MSRA: variants seen among roughly 807,000 people sequenced by gnomAD.
The protein encoded by MSRA is mitochondrial peptide methionine sulfoxide reductase.
In MSRA, 54 loss-of-function variants were observed where a neutral mutation model predicts 31.3. That is an observed-to-expected ratio of 1.73 (90% CI 1.39 to 2.17). MSRA has a LOEUF of 2.17. Among genes scored for constraint, MSRA ranks in the 30% most tolerant of loss-of-function variants. MSRA has a pLI of 0.00. For missense variants in MSRA, 507 were observed against 300.9 expected (o/e 1.69, Z -5.07); for synonymous variants, 169 against 116.5 (o/e 1.45, Z -2.90).
chr8:10,266,841 A>G (rs1216615604), intron 3 of MSRA, among the ~76,000 whole-genome samples: 1 of 152,178 alleles, frequency 6.6e-6, no homozygotes, highest in Non-Finnish European at 1.5e-5. Context: ...TGGTGACAGA[A>G]GTCTTCTACC....
intron 5 of MSRA, among the ~76,000 whole-genome samples, chr8:10,422,719 C>T (rs149499891): frequency 2.5e-4 from 38 of 152,310 alleles, no homozygotes; most frequent in African/African-American, 8.7e-4. Flanking sequence ...GTGAGACTGG[C>T]TGTCAGTACA....
intron 1 of MSRA, among the ~76,000 whole-genome samples, chr8:10,096,869 T>C (rs1408759732): frequency 1.3e-5 from 2 of 152,222 alleles, no homozygotes; most frequent in Non-Finnish European, 2.9e-5. Flanking sequence ...ACAGTTTGAC[T>C]TGTAGGATTA....
chr8:10,137,872 GTT>G (rs1222887825), intron 1 of MSRA, among the ~76,000 whole-genome samples: 8 of 152,292 alleles, frequency 5.3e-5, no homozygotes, highest in African/African-American at 1.9e-4. Context: ...GTAGAGGCAT[GTT>G]TTTATACATT....
intron 1 of MSRA, among the ~76,000 whole-genome samples, chr8:10,071,355 T>G (rs893193544): frequency 6.6e-6 from 1 of 152,220 alleles, no homozygotes; most frequent in Non-Finnish European, 1.5e-5. Flanking sequence ...AATTATTGCT[T>G]TACTCTTCAG....
intron 5 of MSRA, among the ~76,000 whole-genome samples, chr8:10,413,007 A>G (rs11787374): frequency 0.086 from 13,140 of 152,316 alleles, 770 homozygotes; most frequent in Non-Finnish European, 0.14. Flanking sequence ...AGACGACACA[A>G]AAACCCATTC....
intron 5 of MSRA, among the ~76,000 whole-genome samples, chr8:10,397,200 T>G (rs1585678580): frequency 6.6e-6 from 1 of 152,184 alleles, no homozygotes. Context: ...CTGTTTTATT[T>G]GTGTGAGCCA....
At chr8:10,330,977 G>A (rs887134358) in intron 5 of MSRA, among the ~76,000 whole-genome samples, 2 of 152,182 alleles carry the variant, frequency 1.3e-5, no homozygotes, top group Admixed American at 6.5e-5. Context: ...TGGAGCTCCC[G>A]TGATGGGACT....
intron 1 of MSRA, among the ~76,000 whole-genome samples, chr8:10,104,744 T>A (rs532044139): frequency 6.6e-6 from 1 of 152,304 alleles, no homozygotes; most frequent in African/African-American, 2.4e-5. Context: ...GGGAGACGGA[T>A]ATAATGAGGC....
At chr8:10,329,815 TC>T (rs1308377727) in intron 5 of MSRA, among the ~76,000 whole-genome samples, 1 of 151,366 alleles carries the variant, frequency 6.6e-6, no homozygotes, top group Non-Finnish European at 1.5e-5. Context: ...TGATTTCCTC[TC>T]TCGGGGGTCT....
In MSRA at chr8:10,389,740, CTTTTTTTTTT is replaced by C. The variant is rs35603997; in HGVS notation, c.544-38399_544-38390del. Among the ~76,000 whole-genome samples the C allele has an allele frequency of 1.1e-4, 12 of 109,272 alleles. No homozygotes were observed. In the East Asian group the frequency reaches 2.2e-3, roughly 20 times the overall value. The allele number at this position is 109,272 out of a possible 152,430, so 71.7% of individuals were successfully genotyped here. A position where few individuals can be genotyped will look rare whatever the true frequency, so the allele number is the denominator to read the frequency against. ...TGCTGTACTGTTTTTCAGAAGCTTGCTTTTTTTTTTTTTTTTTTAAAGTCTTTTTTTTTTC... is the reference window on the plus strand; with the variant it reads ...TGCTGTACTGTTTTTCAGAAGCTTGCTTTTTTTTAAAGTCTTTTTTTTTTC... On this transcript the variant is annotated intron_variant, in intron 5 of 5. Transcript: ENST00000317173.
At chr8:10,376,108 G>C (rs1449198640) in intron 5 of MSRA, among the ~76,000 whole-genome samples, 1 of 152,130 alleles carries the variant, frequency 6.6e-6, no homozygotes, top group Non-Finnish European at 1.5e-5. Context: ...CCCTTTCTGG[G>C]TGGCCGACTC....
intron 3 of MSRA, among the ~76,000 whole-genome samples, chr8:10,251,580 G>A (rs941448892): frequency 2.6e-5 from 4 of 152,026 alleles, no homozygotes; most frequent in Admixed American, 6.6e-5. Flanking sequence ...GGATAAAAAC[G>A]CTTATCTCTC....
At chr8:10,247,719 A>G (rs922784049) in intron 3 of MSRA, among the ~76,000 whole-genome samples, 2 of 152,170 alleles carry the variant, frequency 1.3e-5, no homozygotes, top group African/African-American at 2.4e-5. Context: ...TTGGAAAGGG[A>G]TAGTTATAGG....
intron 1 of MSRA, among the ~76,000 whole-genome samples, chr8:10,136,050 A>T (rs1802246518): frequency 7.1e-6 from 1 of 141,740 alleles, no homozygotes; most frequent in South Asian, 2.4e-4. Flanking sequence ...TGAGGCTGGG[A>T]CTTAGGCCTG....
intron 1 of MSRA, among the ~76,000 whole-genome samples, chr8:10,171,501 G>A (rs1414371400): frequency 6.6e-6 from 1 of 151,782 alleles, no homozygotes; most frequent in Non-Finnish European, 1.5e-5. Context: ...TTACACCTTT[G>A]ATGATAAGAC....
intron 5 of MSRA, among the ~76,000 whole-genome samples, chr8:10,401,851 T>C (rs772128605): frequency 1.4e-4 from 21 of 151,856 alleles, no homozygotes; most frequent in African/African-American, 1.9e-4. Context: ...GGACCTAGAG[T>C]AGTCAAATTC....
chr8:10,085,375 C>T (rs917108864), intron 1 of MSRA, among the ~76,000 whole-genome samples: 34 of 152,206 alleles, frequency 2.2e-4, no homozygotes, highest in African/African-American at 7.0e-4. Context: ...CAAACTTTGT[C>T]GTGCTCAAGA....
chr8:10,199,107 C>T (rs1043224881), intron 1 of MSRA, among the ~76,000 whole-genome samples: 1 of 152,138 alleles, frequency 6.6e-6, no homozygotes, highest in African/African-American at 2.4e-5. Flanking sequence ...GTGATGCAAC[C>T]TCTGTCTTTT....
At chr8:10,251,832 A>T (rs935435226) in intron 3 of MSRA, among the ~76,000 whole-genome samples, 1 of 150,276 alleles carries the variant, frequency 6.7e-6, no homozygotes, top group East Asian at 2.0e-4. Context: ...CTTCTCTACC[A>T]TCGGCACCCC....
Sources: allele counts gnomAD v4.1 joint callset (sites outside exome capture counted in the v4.1 genomes callset), GRCh38; gene constraint gnomAD v4.1.1; transcripts MANE v1.5; gene names NCBI Gene and HGNC (gene_info 2026-07-23, HGNC 2026-07-21).